Variants in AUTS2 observed in about 807,000 individuals in gnomAD.
The protein encoded by AUTS2 is autism susceptibility gene 2 protein.
Under a neutral mutation model 112.4 loss-of-function variants are expected in AUTS2, and 17 were observed. That is an observed-to-expected ratio of 0.15 (90% CI 0.10 to 0.23). AUTS2 has a LOEUF of 0.23. Ranked by LOEUF, AUTS2 falls within the 10% of genes least tolerant of loss-of-function variation. The probability of loss-of-function intolerance (pLI) is 1.00; values close to 1 mark genes in which losing one functional copy is unlikely to be tolerated. For synonymous variants in AUTS2, 751 were observed against 702.7 expected (o/e 1.07, Z -1.09); for missense variants, 1,510 against 1,701.6 (o/e 0.89, Z 1.98).
intron 1 of AUTS2, among the ~76,000 whole-genome samples, chr7:69,801,624 T>G (rs1325035552): frequency 1.3e-5 from 2 of 152,070 alleles, no homozygotes; most frequent in African/African-American, 4.8e-5. Flanking sequence ...ATGTACTATC[T>G]TAAAACAAAA....
chr7:70,154,038 A>G (rs549398988), intron 4 of AUTS2, among the ~76,000 whole-genome samples: 1 of 152,320 alleles, frequency 6.6e-6, no homozygotes, highest in East Asian at 1.9e-4. Context: ...TTTCTCGGCA[A>G]CATCTCAGAT....
intron 2 of AUTS2, among the ~76,000 whole-genome samples, chr7:70,083,991 C>T (rs1803455441): frequency 6.6e-6 from 1 of 151,884 alleles, no homozygotes; most frequent in Admixed American, 6.6e-5. Context: ...AAAGTTTCCT[C>T]CTTTCTCTTT....
At chr7:70,046,473 G>C (rs1032138127) in intron 2 of AUTS2, among the ~76,000 whole-genome samples, 2 of 152,110 alleles carry the variant, frequency 1.3e-5, no homozygotes, top group Non-Finnish European at 1.5e-5. Context: ...GTTAAAATAC[G>C]TACAACTTTT....
At chr7:70,665,562 A>G (rs1807300251) in intron 5 of AUTS2, among the ~76,000 whole-genome samples, 1 of 151,948 alleles carries the variant, frequency 6.6e-6, no homozygotes, top group Admixed American at 6.6e-5. Flanking sequence ...CGGCCTCCCA[A>G]AGTATTGGGA....
intron 2 of AUTS2, among the ~76,000 whole-genome samples, chr7:70,090,979 C>T (rs1803888039): frequency 6.6e-6 from 1 of 152,178 alleles, no homozygotes; most frequent in African/African-American, 2.4e-5. Flanking sequence ...CACACCTGGC[C>T]TAACGTTTCT....
At chr7:69,674,045 A>G (rs1054155441) in intron 1 of AUTS2, among the ~76,000 whole-genome samples, 1 of 152,242 alleles carries the variant, frequency 6.6e-6, no homozygotes, top group Non-Finnish European at 1.5e-5. Context: ...AGCACCAGGA[A>G]GTCTTGCTCC....
At chr7:70,635,432 G>C (rs1171158894) in intron 5 of AUTS2, among the ~76,000 whole-genome samples, 1 of 152,188 alleles carries the variant, frequency 6.6e-6, no homozygotes, top group African/African-American at 2.4e-5. Flanking sequence ...AAATCCTCGA[G>C]GCCATGGTGA....
At chr7:69,693,678 C>T (rs1176395803) in intron 1 of AUTS2, among the ~76,000 whole-genome samples, 1 of 151,414 alleles carries the variant, frequency 6.6e-6, no homozygotes, top group African/African-American at 2.4e-5. Flanking sequence ...CTCTGTCTGT[C>T]TCTCTCTCTC....
At chr7:69,779,597 A>G (rs1306358624) in intron 1 of AUTS2, among the ~76,000 whole-genome samples, 1 of 151,862 alleles carries the variant, frequency 6.6e-6, no homozygotes, top group Non-Finnish European at 1.5e-5. Flanking sequence ...CCTTGTCTCA[A>G]CTAAAAATAC....
intron 6 of AUTS2, among the ~76,000 whole-genome samples, chr7:70,722,700 A>G (rs1031495690): frequency 1.3e-5 from 2 of 152,210 alleles, no homozygotes; most frequent in East Asian, 1.9e-4. Context: ...GGTGTCTGCT[A>G]AAACATTCTT....
intron 6 of AUTS2, among the ~76,000 whole-genome samples, chr7:70,720,817 G>C (rs1585568444): frequency 6.6e-6 from 1 of 152,098 alleles, no homozygotes; most frequent in East Asian, 1.9e-4. Context: ...TGAAGAGCTA[G>C]GAAAATGAGT....
In AUTS2 at chr7:70,688,693, C is replaced by T. The variant is rs562091598; in HGVS notation, c.691-9876C>T. On this transcript the variant is annotated intron_variant, in intron 5 of 18. Coordinates refer to ENST00000342771, the MANE Select transcript of AUTS2 (RefSeq NM_015570.4). ...ATTAAAAATTAGCCCAGCGTGGTGGCGCATGCCCATAGTCCCAGTACTCAG... is the reference window on the plus strand; with the variant it reads ...ATTAAAAATTAGCCCAGCGTGGTGGTGCATGCCCATAGTCCCAGTACTCAG... Among the ~76,000 whole-genome samples the T allele has an allele frequency of 2.2e-4, 33 of 152,250 alleles. 1 individual carries two copies. In the South Asian group the frequency reaches 6.4e-3, roughly 30 times the overall value.
intron 1 of AUTS2, among the ~76,000 whole-genome samples, chr7:69,718,051 A>C (rs559580057): frequency 5.5e-4 from 84 of 152,188 alleles, no homozygotes; most frequent in Non-Finnish European, 1.0e-3. Context: ...ATAAAGGCTA[A>C]TTTTAACAAT....
At chr7:70,421,669 C>G (rs976357469) in intron 4 of AUTS2, among the ~76,000 whole-genome samples, 1 of 152,202 alleles carries the variant, frequency 6.6e-6, no homozygotes, top group Non-Finnish European at 1.5e-5. Context: ...GAGACTGAAG[C>G]TGGAATTTGT....
intron 4 of AUTS2, among the ~76,000 whole-genome samples, chr7:70,266,807 C>G (rs1787448457): frequency 1.3e-5 from 2 of 152,132 alleles, no homozygotes; most frequent in South Asian, 2.1e-4. Context: ...GAGAGCTTTC[C>G]TAGTGTGAAT....
intron 15 of AUTS2, chr7:70,783,187 G>C (rs1791205287): frequency 6.6e-6 from 1 of 152,214 alleles, no homozygotes; most frequent in Non-Finnish European, 1.5e-5. Context: ...CAGACAGTAT[G>C]TGGCCAAAAT....
intron 1 of AUTS2, among the ~76,000 whole-genome samples, chr7:69,778,372 G>T (rs1337607531): frequency 1.3e-5 from 2 of 151,310 alleles, no homozygotes; most frequent in African/African-American, 2.4e-5. Flanking sequence ...CTCAACCTTG[G>T]CTGTATGTTA....
intron 1 of AUTS2, among the ~76,000 whole-genome samples, chr7:69,839,699 C>T (rs992156230): frequency 1.3e-5 from 2 of 152,136 alleles, no homozygotes; most frequent in Non-Finnish European, 2.9e-5. Flanking sequence ...TGGGGGTATT[C>T]AGGAAAGCAG....
At chr7:69,953,042 C>G (rs1797084142) in intron 2 of AUTS2, among the ~76,000 whole-genome samples, 1 of 152,064 alleles carries the variant, frequency 6.6e-6, no homozygotes, top group South Asian at 2.1e-4. Context: ...TTGAATTTCC[C>G]TCCTCCCTCC....
Sources: gnomAD v4.1 joint callset for allele counts (sites outside exome capture counted in the v4.1 genomes callset) on GRCh38, gnomAD v4.1.1 for gene constraint, MANE v1.5 for transcripts, NCBI Gene and HGNC (gene_info 2026-07-23, HGNC 2026-07-21) for gene names.